The following NCKAP5 variants were observed in gnomAD, a reference collection of about 807,000 sequenced individuals.
NCKAP5 encodes nck-associated protein 5.
NCKAP5 carries 92 observed loss-of-function variants against 167.0 expected under a neutral mutation model. The observed-to-expected ratio is 0.55, with a 90% CI of 0.47 to 0.66. NCKAP5 has a LOEUF of 0.66. NCKAP5 is among the 30% of genes least tolerant of loss of function. The pLI is 0.00. For synonymous variants in NCKAP5, 891 were observed against 877.4 expected, an observed-to-expected ratio of 1.02 and a Z score of -0.27; for missense variants, 2,378 against 2,315.0, an observed-to-expected ratio of 1.03 and a Z score of -0.56.
chr2:133,455,987 A>C (rs1691833004), intron 3 of NCKAP5, among the ~76,000 whole-genome samples: 1 of 152,168 alleles, frequency 6.6e-6, no homozygotes, highest in African/African-American at 2.4e-5. Context: ...GACAGTACCA[A>C]AATGGATAAA....
chr2:132,974,476 G>A (rs916868503), intron 7 of NCKAP5, among the ~76,000 whole-genome samples: 9 of 152,190 alleles, frequency 5.9e-5, no homozygotes, highest in Non-Finnish European at 1.3e-4. Flanking sequence ...GGGCGATATA[G>A]GGCAAATATT....
At chr2:133,176,740 G>A (rs1429666279) in intron 5 of NCKAP5, among the ~76,000 whole-genome samples, 1 of 152,072 alleles carries the variant, frequency 6.6e-6, no homozygotes, top group Non-Finnish European at 1.5e-5. Context: ...CTATATGACA[G>A]TCATGAGTGT....
Position 133,311,311 on chromosome 2 carries a change from C to T in NCKAP5, c.70-8201G>A, listed in dbSNP as rs566849335. ...CATTTATTGTAAGTGATATTACAAA[C>T]GATACAGATAAACAGCTAGATGGAA... On this transcript the variant is annotated intron_variant, in intron 3 of 19. Transcript: ENST00000409261. Among the ~76,000 whole-genome samples the T allele has an allele frequency of 6.6e-5, 10 of 152,262 alleles. No individual in the cohort carries two copies. In the South Asian group the frequency reaches 1.0e-3, roughly 16 times the overall value.
At chr2:133,237,562 C>T (rs2087481706) in intron 4 of NCKAP5, among the ~76,000 whole-genome samples, 1 of 152,054 alleles carries the variant, frequency 6.6e-6, no homozygotes, top group African/African-American at 2.4e-5. Context: ...ATCAGAAATC[C>T]CCAGGAGAAG....
intron 2 of NCKAP5, among the ~76,000 whole-genome samples, chr2:133,557,182 GA>G (rs1687800639): frequency 6.6e-6 from 1 of 152,132 alleles, no homozygotes; most frequent in East Asian, 1.9e-4. Flanking sequence ...TATCATAAGA[GA>G]AATCTGCAGA....
rs1332987354 is a variant in NCKAP5, at chr2:132,782,361, C to T, written c.4450G>A (p.Val1484Met). Residue 1484 changes from valine (V) to methionine (M), a missense_variant, in exon 14 of 20, where the codon GTG becomes ATG. Transcript: ENST00000409261. ...TTTGTTTGCACTTGGCCCTTTTCCA[C>T]ATTTTCCTGAATGCACAACATGACC... ...EKVMLCIQEN[V>M]EKGQVQTKPT... is the part of the protein sequence containing the mutation. 4 of 1,614,060 alleles carry T rather than the reference C, an allele frequency of 2.5e-6. No individual in the cohort carries two copies. Among genetic ancestry groups the T allele is most frequent in the Non-Finnish European group, 3.4e-6 (4 of 1,179,912 alleles).
chr2:132,876,948 T>C (rs1477810375), intron 9 of NCKAP5, among the ~76,000 whole-genome samples: 1 of 152,220 alleles, frequency 6.6e-6, no homozygotes, highest in African/African-American at 2.4e-5. Context: ...ACGGGAGAAC[T>C]GGGACAGTTT....
intron 3 of NCKAP5, among the ~76,000 whole-genome samples, chr2:133,437,015 C>G (rs1465272016): frequency 6.6e-6 from 1 of 152,086 alleles, no homozygotes; most frequent in Non-Finnish European, 1.5e-5. Flanking sequence ...ATCTCAGTGC[C>G]TAACACTTCT....
chr2:132,805,879 G>A (rs1037551089), intron 11 of NCKAP5, among the ~76,000 whole-genome samples: 7 of 151,772 alleles, frequency 4.6e-5, no homozygotes, highest in Non-Finnish European at 1.0e-4. Flanking sequence ...CTCATCACCC[G>A]AGCAGTATAC....
At chr2:132,727,453 C>T (rs1325227512) in intron 18 of NCKAP5, among the ~76,000 whole-genome samples, 1 of 152,210 alleles carries the variant, frequency 6.6e-6, no homozygotes, top group East Asian at 1.9e-4. Flanking sequence ...GGATCAGCAG[C>T]ATCAGCATCA....
intron 8 of NCKAP5, among the ~76,000 whole-genome samples, chr2:132,959,718 C>T (rs1373603575): frequency 6.6e-6 from 1 of 152,236 alleles, no homozygotes; most frequent in Admixed American, 6.5e-5. Context: ...GGGAAGATCC[C>T]TTGAATCAGT....
intron 7 of NCKAP5, among the ~76,000 whole-genome samples, chr2:132,968,380 T>A (rs1191828421): frequency 6.6e-6 from 1 of 152,076 alleles, no homozygotes; most frequent in African/African-American, 2.4e-5. Context: ...CCAAAAGCAG[T>A]TTTTACGGTG....
intron 3 of NCKAP5, chr2:133,333,707 T>C (rs1345535532): frequency 6.6e-6 from 1 of 152,222 alleles, no homozygotes; most frequent in Non-Finnish European, 1.5e-5. Flanking sequence ...CTGAACACCA[T>C]GCAAGAGAAA....
At chr2:133,206,692 G>A (rs2085966766) in intron 5 of NCKAP5, among the ~76,000 whole-genome samples, 1 of 152,194 alleles carries the variant, frequency 6.6e-6, no homozygotes. Flanking sequence ...GAACAAGGGT[G>A]ACTGCTTGCA....
At chr2:133,664,624 G>C in the NCKAP5 span, among the ~76,000 whole-genome samples, 2 of 151,966 alleles carry the variant, frequency 1.3e-5, no homozygotes, top group African/African-American at 4.8e-5. Flanking sequence ...CTCAGCCTCC[G>C]TAATAGCTGG....
At chr2:132,710,814 A>G (rs990317552) in intron 19 of NCKAP5, among the ~76,000 whole-genome samples, 4 of 152,182 alleles carry the variant, frequency 2.6e-5, no homozygotes, top group Non-Finnish European at 5.9e-5. Flanking sequence ...TGACTGTATT[A>G]TGTGAGTGAA....
At chr2:133,362,510 C>G (rs1307043147) in intron 3 of NCKAP5, among the ~76,000 whole-genome samples, 1 of 152,102 alleles carries the variant, frequency 6.6e-6, no homozygotes, top group Non-Finnish European at 1.5e-5. Context: ...AAAGAAAAAG[C>G]TGCATTTAGA....
rs1558942779 is a variant in NCKAP5, at chr2:132,920,722, T to TATATATGTATATATATGC, written c.580-41807_580-41806insGCATATATATACATATAT. On this transcript the variant is annotated intron_variant, in intron 8 of 19. Transcript: ENST00000409261. ...ATATACGTATATGTATATATATGTA[T>TATATATGTATATATATGC]ATATATATATGTATATATATGTGTA... Among the ~76,000 whole-genome samples the TATATATGTATATATATGC allele has an allele frequency of 9.8e-4, 64 of 65,134 alleles. 1 individual carries two copies. The East Asian group carries it at 0.016, about 17-fold the overall frequency. 42.7% of individuals were successfully genotyped at this position (65,134 alleles called of 152,430 possible). A position where few individuals can be genotyped will look rare whatever the true frequency, so the allele number is the denominator to read the frequency against.
intron 15 of NCKAP5, among the ~76,000 whole-genome samples, chr2:132,774,169 G>T (rs573274033): frequency 1.3e-5 from 2 of 152,062 alleles, no homozygotes; most frequent in African/African-American, 4.8e-5. Context: ...GAATTTACAG[G>T]GTATCTAATT....
Sources: gnomAD v4.1 joint callset for allele counts (sites outside exome capture counted in the v4.1 genomes callset) on GRCh38, gnomAD v4.1.1 for gene constraint, MANE v1.5 for transcripts, NCBI Gene and HGNC (gene_info 2026-07-23, HGNC 2026-07-21) for gene names.